Variants in ZDHHC14 observed in about 807,000 individuals in gnomAD.
ZDHHC14 encodes zDHHC palmitoyltransferase 14.
A neutral mutation model predicts 47.7 loss-of-function variants in ZDHHC14; 16 were observed. The observed-to-expected ratio is 0.34, with a 90% confidence interval of 0.23 to 0.51. The LOEUF is 0.51. Among genes scored for constraint, ZDHHC14 ranks in the 20% least tolerant of loss-of-function variants. The probability of loss-of-function intolerance (pLI) is 0.97; values close to 1 mark genes in which losing one functional copy is unlikely to be tolerated. For synonymous variants in ZDHHC14, 293 were observed against 278.9 expected, an observed-to-expected ratio of 1.05 and a Z score of -0.50; for missense variants, 515 against 662.5, an observed-to-expected ratio of 0.78 and a Z score of 2.44.
chr6:157,606,039 CAT>C (rs781059001), intron 3 of ZDHHC14, among the ~76,000 whole-genome samples: 2 of 152,312 alleles, frequency 1.3e-5, no homozygotes, highest in South Asian at 2.1e-4. Flanking sequence ...AAACTTCTGT[CAT>C]ATGTGTATAT....
Position 157,675,509 on chromosome 6 carries a change from G to A in ZDHHC14, c.*2387G>A, listed in dbSNP as rs534006759. The A allele has an allele frequency of 2.3e-4, 35 of 152,360 alleles. No individual in the cohort carries two copies. The highest frequency in any genetic ancestry group is 8.2e-4 in the African/African-American group (34 of 41,580). The allele number at this position is 152,360 out of a possible 1,614,324, so 9.4% of individuals were successfully genotyped here. ...GTGAATCAAGGCTATTCAGGGTCAA[G>A]AGAGAGATTAACTTGAATGGGCCAA... On this transcript the variant is annotated 3_prime_UTR_variant, in exon 9 of 9. Coordinates refer to ENST00000359775, the MANE Select transcript of ZDHHC14 (RefSeq NM_024630.3).
chr6:157,673,287 C>G lies in ZDHHC14; in HGVS notation c.*165C>G. 1 of 887,186 alleles carries G rather than the reference C, an allele frequency of 1.1e-6. No homozygotes were observed. Among genetic ancestry groups the G allele is most frequent in the Non-Finnish European group, 1.6e-6 (1 of 630,072 alleles). 55.0% of individuals were successfully genotyped at this position (887,186 alleles called of 1,614,324 possible). On this transcript the variant is annotated 3_prime_UTR_variant, in exon 9 of 9. Coordinates refer to ENST00000359775, the MANE Select transcript of ZDHHC14 (RefSeq NM_024630.3). The surrounding 1 kb of genome is among the most constrained non-coding windows in gnomAD (Gnocchi z 5.4). ...CTTAGGATGGCACAGGGTGGCTGGC[C>G]CCGGATGCTGAGAGCTTGGTTTCAT...
chr6:157,647,491 C>T (rs1055374676), intron 7 of ZDHHC14, 123 bp downstream of exon 7: 16 of 628,214 alleles, frequency 2.5e-5, no homozygotes, highest in Non-Finnish European at 4.4e-5. Context: ...CTTTGTGCCG[C>T]GTGGATGTGG....
At chr6:157,576,063 A>C (rs1401141080) in intron 2 of ZDHHC14, among the ~76,000 whole-genome samples, 1 of 152,194 alleles carries the variant, frequency 6.6e-6, no homozygotes, top group Non-Finnish European at 1.5e-5. Flanking sequence ...TAAGCAGAGG[A>C]GATGCTCCAG....
Position 157,550,386 on chromosome 6 carries a change from A to G in ZDHHC14, c.406+7641A>G, listed in dbSNP as rs144057932. Among the ~76,000 whole-genome samples, 338 of 152,086 alleles carry G rather than the reference A, an allele frequency of 2.2e-3. 2 individuals are homozygous for G. Among genetic ancestry groups the G allele is most frequent in the African/African-American group, 7.6e-3 (315 of 41,462 alleles). On this transcript the variant is annotated intron_variant, in intron 2 of 8. Coordinates refer to ENST00000359775, the MANE Select transcript of ZDHHC14 (RefSeq NM_024630.3). ...ACAGTGTCACACAGACATTCTAGAG[A>G]GACTGCAGTGTCACACAGGCATTCT... is the stretch of plus-strand genomic sequence containing the variant.
At chr6:157,646,675 TCTTTG>T (rs1777573149) in intron 6 of ZDHHC14, among the ~76,000 whole-genome samples, 1 of 151,938 alleles carries the variant, frequency 6.6e-6, no homozygotes, top group Non-Finnish European at 1.5e-5. Flanking sequence ...AGCGTGGTCC[TCTTTG>T]CTCTTTATAC....
chr6:157,530,511 T>C (rs1781324448), intron 1 of ZDHHC14, among the ~76,000 whole-genome samples: 1 of 152,240 alleles, frequency 6.6e-6, no homozygotes, highest in Non-Finnish European at 1.5e-5. Context: ...TTCATTTTGT[T>C]CATTTTTCTA....
intron 1 of ZDHHC14, among the ~76,000 whole-genome samples, chr6:157,438,716 G>C (rs1011486188): frequency 2.6e-5 from 4 of 152,134 alleles, no homozygotes; most frequent in Non-Finnish European, 5.9e-5. Flanking sequence ...CTTATCTCAG[G>C]CATTGTTTTT....
chr6:157,450,998 T>TTTGTGTGTGTGTG (rs1778790536), intron 1 of ZDHHC14, among the ~76,000 whole-genome samples: 6 of 147,528 alleles, frequency 4.1e-5, no homozygotes, highest in Non-Finnish European at 1.5e-5. Flanking sequence ...AAGTCTGGTC[T>TTTGTGTGTGTGTG]TGTGTGTGTG....
At chr6:157,569,878 T>G (rs1361738766) in intron 2 of ZDHHC14, among the ~76,000 whole-genome samples, 2 of 152,180 alleles carry the variant, frequency 1.3e-5, no homozygotes, top group Non-Finnish European at 2.9e-5. Flanking sequence ...TCCAACTGTT[T>G]GTGTCATTAA....
intron 8 of ZDHHC14, among the ~76,000 whole-genome samples, chr6:157,666,324 T>A (rs1246481397): frequency 1.3e-5 from 2 of 152,102 alleles, no homozygotes; most frequent in Admixed American, 6.5e-5. Flanking sequence ...CAATCCAGTA[T>A]CAAAACAAGA....
intron 1 of ZDHHC14, among the ~76,000 whole-genome samples, chr6:157,410,517 T>A (rs1777852476): frequency 6.6e-6 from 1 of 152,178 alleles, no homozygotes. Flanking sequence ...CATTACCAAC[T>A]CAATTATCTG....
intron 3 of ZDHHC14, among the ~76,000 whole-genome samples, 200 bp from the exon 4 acceptor site, chr6:157,628,149 G>A (rs576307609): frequency 7.9e-5 from 12 of 151,306 alleles, no homozygotes; most frequent in Admixed American, 4.6e-4. Flanking sequence ...AAACAGCTAC[G>A]TTCTGTTGAA....
intron 1 of ZDHHC14, among the ~76,000 whole-genome samples, chr6:157,404,785 G>A (rs1777710896): frequency 6.6e-6 from 1 of 152,142 alleles, no homozygotes; most frequent in South Asian, 2.1e-4. Flanking sequence ...TTTAGATTTA[G>A]AGAAAAATGT....
At chr6:157,406,888 C>G (rs1318473581) in intron 1 of ZDHHC14, among the ~76,000 whole-genome samples, 1 of 152,202 alleles carries the variant, frequency 6.6e-6, no homozygotes, top group Non-Finnish European at 1.5e-5. Flanking sequence ...AGAAGAGCCT[C>G]TCTTTGTCTG....
chr6:157,407,529 A>G (rs1285346022), intron 1 of ZDHHC14, among the ~76,000 whole-genome samples: 3 of 152,216 alleles, frequency 2.0e-5, no homozygotes, highest in Non-Finnish European at 4.4e-5. Context: ...CCATTAGCAA[A>G]TAAAAGTCCC....
At chr6:157,579,194 T>TG (rs1554269219) in intron 2 of ZDHHC14, among the ~76,000 whole-genome samples, 4 of 116,508 alleles carry the variant, frequency 3.4e-5, no homozygotes, top group East Asian at 2.4e-4. Flanking sequence ...TTCTGTGTTT[T>TG]TTTTTTTTTT....
rs181871616 is a variant in ZDHHC14 at position 157,439,833 on chromosome 6, A to C, written c.245+57567A>C. On this transcript the variant is annotated intron_variant, in intron 1 of 8. Transcript: ENST00000359775. Reference sequence around the variant, plus strand: ...ACCATGGAATACTATGCTGCTGTAAAAGCAGACAAGATCATGTCCTTTGCA... The same window carrying C: ...ACCATGGAATACTATGCTGCTGTAACAGCAGACAAGATCATGTCCTTTGCA... Among the ~76,000 whole-genome samples, 10 of 152,334 alleles carry C rather than the reference A, an allele frequency of 6.6e-5. No homozygotes were observed. In the East Asian group the frequency reaches 1.9e-3, roughly 29 times the overall value.
chr6:157,393,780 T>G (rs1777467150), intron 1 of ZDHHC14, among the ~76,000 whole-genome samples: 1 of 152,234 alleles, frequency 6.6e-6, no homozygotes. Flanking sequence ...TTACCTTTAA[T>G]TATTTCCTAT....
Sources: allele counts gnomAD v4.1 joint callset (sites outside exome capture counted in the v4.1 genomes callset), GRCh38; gene constraint gnomAD v4.1.1; non-coding constraint Gnocchi (gnomAD v3.1); transcripts MANE v1.5; gene names NCBI Gene and HGNC (gene_info 2026-07-23, HGNC 2026-07-21).